The following AKT3 variants were observed in gnomAD, a reference collection of about 807,000 sequenced individuals.
AKT3 encodes the protein AKT serine/threonine kinase 3.
AKT3 carries 15 observed loss-of-function variants against 65.3 expected under a neutral mutation model. That is an observed-to-expected ratio of 0.23 (90% CI 0.15 to 0.35). The LOEUF (loss-of-function observed/expected upper bound fraction) is 0.35, where lower values mean the gene tolerates loss of function less well. Ranked by LOEUF, AKT3 falls within the 10% of genes least tolerant of loss-of-function variation. The pLI, the probability that AKT3 is intolerant of heterozygous loss-of-function variation, is 1.00. For synonymous variants in AKT3, 206 were observed against 183.8 expected (o/e 1.12, Z -0.98); for missense variants, 243 against 576.5 (o/e 0.42, Z 5.92).
At chr1:243,732,817 A>G (rs1396326728) in intron 2 of AKT3, among the ~76,000 whole-genome samples, 1 of 152,194 alleles carries the variant, frequency 6.6e-6, no homozygotes, top group South Asian at 2.1e-4. Flanking sequence ...TGAGAGGAGA[A>G]TAGACTGCAA....
intron 1 of AKT3, among the ~76,000 whole-genome samples, chr1:243,849,800 G>A (rs1309143918): frequency 1.3e-5 from 2 of 151,770 alleles, no homozygotes; most frequent in African/African-American, 2.4e-5. Context: ...CGGAAAGCGG[G>A]GGGTGTCGGT....
chr1:243,552,636 G>T (rs1574594264), intron 11 of AKT3, 93 bp downstream of exon 11: 1 of 1,135,212 alleles, frequency 8.8e-7, no homozygotes, highest in Non-Finnish European at 1.3e-6. Context: ...CAAATACATT[G>T]CTTCTTGGAG....
chr1:243,692,818 G>A (rs1684784577), intron 3 of AKT3, among the ~76,000 whole-genome samples: 1 of 151,888 alleles, frequency 6.6e-6, no homozygotes, highest in South Asian at 2.1e-4. Context: ...ACTTAAATTT[G>A]TGTGTTTTTC....
intron 13 of AKT3, among the ~76,000 whole-genome samples, chr1:243,510,899 C>T (rs1390018483): frequency 2.0e-5 from 3 of 152,272 alleles, no homozygotes; most frequent in Non-Finnish European, 2.9e-5. Context: ...TGGGCCGATC[C>T]GAAAACTCAC....
chr1:243,525,768 T>TAAGA (rs755272323), intron 12 of AKT3, among the ~76,000 whole-genome samples: 8 of 4,144 alleles, frequency 1.9e-3, no homozygotes, highest in Non-Finnish European at 2.5e-3. Flanking sequence ...CTTCCAAAAG[T>TAAGA]AAGAAAGAAA....
chr1:243,637,515 T>C, intron 6 of AKT3, 96 bp downstream of exon 6: 2 of 1,081,440 alleles, frequency 1.8e-6, no homozygotes, highest in East Asian at 2.7e-5. Context: ...GGTTGTTTAA[T>C]GGAATTTGCA....
At chr1:243,608,672 C>T (rs368734048) in intron 8 of AKT3, among the ~76,000 whole-genome samples, 12 of 150,238 alleles carry the variant, frequency 8.0e-5, no homozygotes, top group African/African-American at 2.9e-4. Context: ...TATTGTTTCC[C>T]TTACTTTAAA....
At chr1:243,696,145 C>CTT (rs954011341) in intron 2 of AKT3, among the ~76,000 whole-genome samples, 10 of 144,882 alleles carry the variant, frequency 6.9e-5, no homozygotes, top group African/African-American at 2.5e-4. Flanking sequence ...CTAATTGTGT[C>CTT]TTTTTTTTTT....
In AKT3 at chr1:243,830,588, G is replaced by A. The variant is rs1212735857; in HGVS notation, c.46+12537C>T. 3.3e-5 allele frequency among the ~76,000 whole-genome samples: 5 copies of A among 152,222 alleles called. No homozygotes were observed. The East Asian group carries it at 9.7e-4, about 29-fold the overall frequency. The stretch of plus-strand genomic sequence containing the variant: ...ACAAAGACCACCAGTGCTCAGAGCT[G>A]TTAAATAATGAAACAGATACAGTGC... On this transcript the variant is annotated intron_variant, in intron 2 of 13. Coordinates refer to ENST00000673466, the MANE Select transcript of AKT3 (RefSeq NM_005465.7).
chr1:243,746,767 C>T (rs1688495060), intron 2 of AKT3, among the ~76,000 whole-genome samples: 1 of 152,114 alleles, frequency 6.6e-6, no homozygotes, highest in Non-Finnish European at 1.5e-5. Flanking sequence ...TTGATAATCT[C>T]CACTAAACTT....
chr1:243,587,026 A>C (rs1307036140), intron 8 of AKT3, among the ~76,000 whole-genome samples: 2 of 152,222 alleles, frequency 1.3e-5, no homozygotes, highest in African/African-American at 4.8e-5. Flanking sequence ...TTAAAAGACT[A>C]AAACACAAAA....
rs1290444154 is a variant in AKT3 at position 243,512,407 on chromosome 1, G to A, written c.1271C>T (p.Pro424Leu). Residue 424 changes from proline to leucine, a missense_variant, in exon 13 of 14, where the codon CCT becomes CTT. Transcript: ENST00000673466. ...AGTATCTGTCTCAGATGTTACTTGA[G>A]GTTTAAAAGGAGGTACAAGCTGTAA... Reference protein sequence around the residue: ...YDKKLVPPFKPQVTSETDTRY... With the variant: ...YDKKLVPPFKLQVTSETDTRY... 2 of 1,580,350 alleles carry A rather than the reference G, an allele frequency of 1.3e-6. No individual in the cohort carries two copies. The highest frequency in any genetic ancestry group is 8.6e-7 in the Non-Finnish European group (1 of 1,159,400).
chr1:243,606,036 C>T (rs1332900566), intron 8 of AKT3, among the ~76,000 whole-genome samples: 2 of 152,290 alleles, frequency 1.3e-5, no homozygotes, highest in African/African-American at 4.8e-5. Flanking sequence ...GTTTGCTTCC[C>T]CTTTCACCAC....
intron 2 of AKT3, among the ~76,000 whole-genome samples, chr1:243,831,665 AG>A (rs1353309581): frequency 6.6e-6 from 1 of 152,150 alleles, no homozygotes; most frequent in Non-Finnish European, 1.5e-5. Flanking sequence ...CAAGAGGTAC[AG>A]CTTCTCTGCA....
At chr1:243,617,476 CTT>C (rs1365116161) in intron 6 of AKT3, among the ~76,000 whole-genome samples, 1 of 151,672 alleles carries the variant, frequency 6.6e-6, no homozygotes, top group African/African-American at 2.4e-5. Flanking sequence ...TATAAGGTAA[CTT>C]AATAAAAAAA....
intron 2 of AKT3, among the ~76,000 whole-genome samples, chr1:243,797,661 T>C (rs1369815762): frequency 1.3e-5 from 2 of 152,216 alleles, no homozygotes; most frequent in East Asian, 1.9e-4. Context: ...GTGCTTTTGA[T>C]TGGAGGGTTA....
intron 2 of AKT3, among the ~76,000 whole-genome samples, chr1:243,745,387 A>G (rs1336333506): frequency 6.6e-6 from 1 of 152,164 alleles, no homozygotes; most frequent in East Asian, 1.9e-4. Flanking sequence ...AGAAAACGAG[A>G]TATGATGTCA....
rs61833204 is a variant in AKT3 at position 243,656,749 on chromosome 1, G to A, written c.284+8023C>T. The stretch of plus-strand genomic sequence containing the variant: ...TGTTGGGGGCGAGGCATACGTGTGC[G>A]CATGCACATGTGTCTCTGTATGTGA... On this transcript the variant is annotated intron_variant, in intron 4 of 13. Coordinates refer to ENST00000673466, the MANE Select transcript of AKT3 (RefSeq NM_005465.7). 5.7e-3 allele frequency among the ~76,000 whole-genome samples: 862 copies of A among 152,316 alleles called. 4 individuals carry two copies. Among genetic ancestry groups the A allele is most frequent in the Admixed American group, 8.5e-3 (130 of 15,300 alleles).
intron 8 of AKT3, among the ~76,000 whole-genome samples, chr1:243,612,262 G>A (rs529038424): frequency 1.1e-4 from 17 of 151,830 alleles, no homozygotes; most frequent in African/African-American, 3.6e-4. Flanking sequence ...AGCTGGGTGT[G>A]TGCCACCATG....
Sources: allele counts gnomAD v4.1 joint callset (sites outside exome capture counted in the v4.1 genomes callset), GRCh38; gene constraint gnomAD v4.1.1; transcripts MANE v1.5; gene names NCBI Gene and HGNC (gene_info 2026-07-23, HGNC 2026-07-21).